Variants in HARBI1 observed in about 807,000 individuals in gnomAD.
HARBI1 encodes putative nuclease HARBI1.
In HARBI1, 15 loss-of-function variants were observed where a neutral mutation model predicts 25.3. That is an observed-to-expected ratio of 0.59 (90% CI 0.40 to 0.91). HARBI1 has a LOEUF of 0.91. HARBI1 is among the 40% of genes least tolerant of loss of function. The pLI, the probability that HARBI1 is intolerant of heterozygous loss-of-function variation, is 0.00. For missense variants in HARBI1, 396 were observed against 445.8 expected (o/e 0.89, Z 1.01); for synonymous variants, 168 against 160.5 (o/e 1.05, Z -0.35).
Position 46,617,138 on chromosome 11 carries a change from C to T in HARBI1, c.-159G>A. Reference sequence around the variant, plus strand: ...CCGTCACCCACCTCTCCGCGGCTGCCAGGTTACCAGCCACACTTCCCACCC... The same window carrying T: ...CCGTCACCCACCTCTCCGCGGCTGCTAGGTTACCAGCCACACTTCCCACCC... On this transcript the variant is annotated 5_prime_UTR_variant, in exon 1 of 3. Coordinates refer to ENST00000326737, the MANE Select transcript of HARBI1 (RefSeq NM_173811.4). The T allele has an allele frequency of 2.7e-6, 1 of 373,534 alleles. No homozygotes were observed. The highest frequency in any genetic ancestry group is 3.7e-6 in the Non-Finnish European group (1 of 270,678). 23.1% of individuals were successfully genotyped at this position (373,534 alleles called of 1,614,324 possible). A position where few individuals can be genotyped will look rare whatever the true frequency, so the allele number is the denominator to read the frequency against.
At chr11:46,612,344 T>C (rs1476445715) in intron 2 of HARBI1, among the ~76,000 whole-genome samples, 1 of 152,018 alleles carries the variant, frequency 6.6e-6, no homozygotes, top group African/African-American at 2.4e-5. Context: ...ATCTCTTATA[T>C]GTTGTATACA....
intron 2 of HARBI1, among the ~76,000 whole-genome samples, chr11:46,610,014 G>C (rs1283022722): frequency 6.6e-6 from 1 of 151,706 alleles, no homozygotes; most frequent in Non-Finnish European, 1.5e-5. Context: ...CACCATGCCT[G>C]GGTAATTTTT....
chr11:46,612,405 AC>A (rs761440097), intron 2 of HARBI1, among the ~76,000 whole-genome samples: 78 of 152,184 alleles, frequency 5.1e-4, no homozygotes, highest in Non-Finnish European at 8.7e-4. Context: ...TAAAAAAAAA[AC>A]AAACCCAAAA....
rs1359503719 is a variant in HARBI1 at position 46,603,140 on chromosome 11, C to G, written c.*390G>C. 1 of 156,508 alleles carries G rather than the reference C, an allele frequency of 6.4e-6. No individual in the cohort carries two copies. Among genetic ancestry groups the G allele is most frequent in the Non-Finnish European group, 1.4e-5 (1 of 71,060 alleles). The allele number at this position is 156,508 out of a possible 1,614,324, so 9.7% of individuals were successfully genotyped here. Reference sequence around the variant, plus strand: ...GATTACAGGCGTGAGCCACCGCACCCGGCCGCTAATTTTTGTATTTTTAGT... The same window carrying G: ...GATTACAGGCGTGAGCCACCGCACCGGGCCGCTAATTTTTGTATTTTTAGT... On this transcript the variant is annotated 3_prime_UTR_variant, in exon 3 of 3. Coordinates refer to ENST00000326737, the MANE Select transcript of HARBI1 (RefSeq NM_173811.4).
chr11:46,616,042 C>T lies in HARBI1; in HGVS notation c.196G>A (p.Ala66Thr). The T allele has an allele frequency of 6.2e-7, 1 of 1,614,200 alleles. No homozygotes were observed. The highest frequency in any genetic ancestry group is 8.5e-7 in the Non-Finnish European group (1 of 1,180,042). The change falls in exon 2 of 3, where the codon GCT becomes ACT. Residue 66 changes from alanine to threonine, a missense_variant. Ala to Thr is a moderately conservative substitution (Grantham distance 58). Transcript: ENST00000326737. ...NLSRPTQRSR[A>T]ISPETQVLAA... ...AGGACCTGTGTCTCTGGGCTAATAG[C>T]CCTGGATCGCTGAGTAGGCCTAGAA...
Position 46,616,268 on chromosome 11 carries a change from C to CT in HARBI1, c.-32dup, listed in dbSNP as rs1481010022. Reference sequence around the variant, plus strand: ...ATGTGAATGTTGGCTCTCCTCTTTGCTTTTTCTGAACTGTTCCCAATGAAG... The same window carrying CT: ...ATGTGAATGTTGGCTCTCCTCTTTGCTTTTTTCTGAACTGTTCCCAATGAAG... On this transcript the variant is annotated 5_prime_UTR_variant, in exon 2 of 3. Coordinates refer to ENST00000326737, the MANE Select transcript of HARBI1 (RefSeq NM_173811.4). 6.3e-7 allele frequency: 1 copy of CT among 1,580,650 alleles called. No individual in the cohort carries two copies. The highest frequency in any genetic ancestry group is 1.7e-4 in the Middle Eastern group (1 of 5,966).
intron 2 of HARBI1, among the ~76,000 whole-genome samples, chr11:46,610,608 C>T (rs574578886): frequency 2.6e-5 from 4 of 151,834 alleles, no homozygotes; most frequent in East Asian, 2.0e-4. Context: ...TGCAGTGAGC[C>T]GAGATCGCAC....
intron 2 of HARBI1, among the ~76,000 whole-genome samples, chr11:46,609,227 A>G (rs2045080879): frequency 6.6e-6 from 1 of 151,596 alleles, no homozygotes; most frequent in Admixed American, 6.6e-5. Flanking sequence ...GCACCAGGCT[A>G]ATTTTTGTAT....
At chr11:46,608,049 A>C (rs1022575542) in intron 2 of HARBI1, among the ~76,000 whole-genome samples, 1 of 152,104 alleles carries the variant, frequency 6.6e-6, no homozygotes, top group Admixed American at 6.6e-5. Flanking sequence ...CTGTAATCCC[A>C]GCACTTTGGG....
intron 2 of HARBI1, among the ~76,000 whole-genome samples, chr11:46,606,390 G>A (rs1272299211): frequency 6.6e-6 from 1 of 151,126 alleles, no homozygotes; most frequent in Non-Finnish European, 1.5e-5. Context: ...TCGGCTCACT[G>A]CAACCTCTGC....
intron 2 of HARBI1, among the ~76,000 whole-genome samples, chr11:46,610,614 C>G (rs181444143): frequency 6.6e-6 from 1 of 152,008 alleles, no homozygotes; most frequent in Non-Finnish European, 1.5e-5. Flanking sequence ...GAGCCGAGAT[C>G]GCACCACTGC....
intron 2 of HARBI1, among the ~76,000 whole-genome samples, chr11:46,607,927 A>G (rs1003599082): frequency 9.2e-5 from 14 of 151,852 alleles, no homozygotes; most frequent in Non-Finnish European, 1.9e-4. Flanking sequence ...AAAAAAAAAA[A>G]AAGGCCAGAG....
intron 2 of HARBI1, among the ~76,000 whole-genome samples, chr11:46,607,035 C>T (rs2044981265): frequency 6.6e-6 from 1 of 152,134 alleles, no homozygotes; most frequent in South Asian, 2.1e-4. Context: ...GAGGCTAAGG[C>T]AGGCGGATCA....
intron 2 of HARBI1, among the ~76,000 whole-genome samples, chr11:46,607,249 G>A (rs982437087): frequency 7.3e-6 from 1 of 136,834 alleles, no homozygotes; most frequent in Non-Finnish European, 1.5e-5. Flanking sequence ...GCGACAGGGT[G>A]AGACTGTCTC....
In HARBI1 at chr11:46,604,505, A is replaced by G. The variant is rs370245778; in HGVS notation, c.671-596T>C. The stretch of plus-strand genomic sequence containing the variant: ...AAATCAAATAGCATGCCAATCTTCA[A>G]AATCTCTACAGAGCAAGAATGAAAC... On this transcript the variant is annotated intron_variant, in intron 2 of 2. Coordinates refer to ENST00000326737, the MANE Select transcript of HARBI1 (RefSeq NM_173811.4). The G allele has an allele frequency of 5.7e-5, 56 of 981,590 alleles. No homozygotes were observed. The African/African-American group carries it at 9.3e-4, about 16-fold the overall frequency. 60.8% of individuals were successfully genotyped at this position (981,590 alleles called of 1,614,324 possible).
chr11:46,608,584 T>G (rs1168084767), intron 2 of HARBI1, among the ~76,000 whole-genome samples: 1 of 151,720 alleles, frequency 6.6e-6, no homozygotes, highest in African/African-American at 2.4e-5. Context: ...AAGCTGGGAC[T>G]ACAGGCACAC....
At chr11:46,614,334 G>T (rs2045296284) in intron 2 of HARBI1, among the ~76,000 whole-genome samples, 1 of 152,034 alleles carries the variant, frequency 6.6e-6, no homozygotes, top group Admixed American at 6.6e-5. Flanking sequence ...GGCTGAGGCA[G>T]AATTGCTTGA....
chr11:46,613,758 C>T (rs942969839), intron 2 of HARBI1, among the ~76,000 whole-genome samples: 3 of 152,126 alleles, frequency 2.0e-5, no homozygotes, highest in African/African-American at 4.8e-5. Flanking sequence ...GCTGGGATTA[C>T]AGTCGTGAGC....
At chr11:46,616,831 C>CAAAAAAA (rs749013239) in intron 1 of HARBI1, 7,365 of 600,790 alleles carry the variant, frequency 0.012, 12 homozygotes, top group African/African-American at 0.021. Flanking sequence ...AAAGAAGGGG[C>CAAAAAAA]AAAAAAAAAA....
Sources: gnomAD v4.1 joint callset for allele counts (sites outside exome capture counted in the v4.1 genomes callset) on GRCh38, gnomAD v4.1.1 for gene constraint, MANE v1.5 for transcripts, NCBI Gene and HGNC (gene_info 2026-07-23, HGNC 2026-07-21) for gene names.